SOS2: variants seen among roughly 807,000 people sequenced by gnomAD.
The protein encoded by SOS2 is son of sevenless homolog 2.
Under a neutral mutation model 148.2 loss-of-function variants are expected in SOS2, and 65 were observed. The observed-to-expected ratio is 0.44, with a 90% CI of 0.36 to 0.54. The LOEUF (loss-of-function observed/expected upper bound fraction) is 0.54, where lower values mean the gene tolerates loss of function less well. Ranked by LOEUF, SOS2 falls within the 20% of genes least tolerant of loss-of-function variation. The pLI, the probability that SOS2 is intolerant of heterozygous loss-of-function variation, is 0.00. For synonymous variants in SOS2, 539 were observed against 537.1 expected, an observed-to-expected ratio of 1.00 and a Z score of -0.05; for missense variants, 1,341 against 1,590.2, an observed-to-expected ratio of 0.84 and a Z score of 2.67.
intron 5 of SOS2, among the ~76,000 whole-genome samples, chr14:50,186,998 T>A (rs1233284215): frequency 2.6e-5 from 4 of 152,208 alleles, no homozygotes; most frequent in Admixed American, 2.6e-4. Context: ...AGGTACAAGA[T>A]AAATAAGACA....
At chr14:50,195,925 G>T (rs146196573) in intron 4 of SOS2, among the ~76,000 whole-genome samples, 76 of 152,300 alleles carry the variant, frequency 5.0e-4, no homozygotes, top group Non-Finnish European at 8.7e-4. Context: ...TACCTGGGAG[G>T]CTGAGGCAGG....
rs375702667 is a variant in SOS2 at position 50,150,240 on chromosome 14, G to T, written c.2162-10C>A. On this transcript the variant is annotated splice_polypyrimidine_tract_variant and intron_variant, in intron 13 of 22. Coordinates refer to ENST00000216373, the MANE Select transcript of SOS2 (RefSeq NM_006939.4). ...TTTTTCATAGCTTTCCCTGGAAAAAGAACACATAAAGAAAAATGTCTTTTA... is the reference window on the plus strand; with the variant it reads ...TTTTTCATAGCTTTCCCTGGAAAAATAACACATAAAGAAAAATGTCTTTTA... The T allele has an allele frequency of 1.3e-6, 2 of 1,533,126 alleles. No individual in the cohort carries two copies. The highest frequency in any genetic ancestry group is 1.4e-5 in the African/African-American group (1 of 73,438). The allele number at this position is 1,533,126 out of a possible 1,614,324, so 95.0% of individuals were successfully genotyped here.
chr14:50,160,180 A>G, intron 9 of SOS2, 94 bp from the exon 10 acceptor site: 1 of 930,284 alleles, frequency 1.1e-6, no homozygotes, highest in South Asian at 1.7e-5. Flanking sequence ...AAAATATTAA[A>G]TAACCAAACA....
intron 16 of SOS2, among the ~76,000 whole-genome samples, chr14:50,144,446 T>A (rs1030631586): frequency 6.6e-6 from 1 of 152,018 alleles, no homozygotes; most frequent in African/African-American, 2.4e-5. Context: ...TATATATTTT[T>A]TAATTTTTTG....
chr14:50,201,258 C>T (rs1022983890), intron 2 of SOS2, among the ~76,000 whole-genome samples, 174 bp from the exon 3 acceptor site: 3 of 151,852 alleles, frequency 2.0e-5, no homozygotes, highest in Non-Finnish European at 4.4e-5. Context: ...TCAGGCTGGG[C>T]GCGGTGGCTC....
At chr14:50,205,495 T>G (rs1005741268) in intron 1 of SOS2, among the ~76,000 whole-genome samples, 4 of 152,192 alleles carry the variant, frequency 2.6e-5, no homozygotes, top group Admixed American at 2.6e-4. Flanking sequence ...ACCATTTTAT[T>G]TGAAGTCTCA....
At chr14:50,227,243 CTTTCTT>C (rs1887405868) in intron 1 of SOS2, among the ~76,000 whole-genome samples, 1 of 112,650 alleles carries the variant, frequency 8.9e-6, no homozygotes, top group Non-Finnish European at 1.7e-5. Context: ...TTCTTTCTTT[CTTTCTT>C]TTTTTTTTTT....
chr14:50,206,412 C>T (rs1032037068), intron 1 of SOS2, among the ~76,000 whole-genome samples: 2 of 152,208 alleles, frequency 1.3e-5, no homozygotes, highest in Non-Finnish European at 2.9e-5. Flanking sequence ...AATGGTGTAA[C>T]ACTGTATACA....
chr14:50,182,108 G>A lies in SOS2; in HGVS notation c.858+355C>T, dbSNP rs111771258. On this transcript the variant is annotated intron_variant, in intron 6 of 22. Transcript: ENST00000216373. ...CTATAAAGAAAGTGTCACTATATAG[G>A]CAATGTGATTTTAGTTTGTTATCAG... Among the ~76,000 whole-genome samples, 8 of 151,792 alleles carry A rather than the reference G, an allele frequency of 5.3e-5. No homozygotes were observed. In the East Asian group the frequency reaches 1.2e-3, roughly 22 times the overall value.
chr14:50,158,256 G>T (rs1020722247), intron 11 of SOS2, among the ~76,000 whole-genome samples: 2 of 151,944 alleles, frequency 1.3e-5, no homozygotes, highest in Admixed American at 1.3e-4. Flanking sequence ...GTGGTAAGTA[G>T]AAAAGTCTCT....
intron 1 of SOS2, among the ~76,000 whole-genome samples, chr14:50,211,642 G>A (rs1886875505): frequency 6.7e-6 from 1 of 149,662 alleles, no homozygotes; most frequent in African/African-American, 2.5e-5. Context: ...TTAGATTTTT[G>A]AGACAGGTTC....
chr14:50,193,703 T>A (rs1886225828), intron 4 of SOS2, among the ~76,000 whole-genome samples: 1 of 152,012 alleles, frequency 6.6e-6, no homozygotes, highest in African/African-American at 2.4e-5. Context: ...CATCATACAA[T>A]CTCATTACTT....
chr14:50,229,426 C>CA (rs1356208470), intron 1 of SOS2, among the ~76,000 whole-genome samples: 1 of 148,256 alleles, frequency 6.7e-6, no homozygotes, highest in Non-Finnish European at 1.5e-5. Flanking sequence ...AAAACAAGCA[C>CA]AATATAAATG....
At chr14:50,157,167 A>G (rs1310860570) in intron 11 of SOS2, 46 bp from the exon 12 acceptor site, 1 of 1,582,902 alleles carries the variant, frequency 6.3e-7, no homozygotes. Context: ...TACATAATGA[A>G]AATACAAGGA....
chr14:50,191,038 T>C (rs1886117004), intron 4 of SOS2, among the ~76,000 whole-genome samples: 2 of 152,202 alleles, frequency 1.3e-5, no homozygotes, highest in Non-Finnish European at 2.9e-5. Context: ...CCCATTCACT[T>C]AGCAAGCCCA....
chr14:50,217,667 A>G (rs1887073226), intron 1 of SOS2, among the ~76,000 whole-genome samples: 1 of 152,220 alleles, frequency 6.6e-6, no homozygotes, highest in Non-Finnish European at 1.5e-5. Flanking sequence ...TAAAAATTTA[A>G]AACTTTTGGC....
chr14:50,177,337 A>G (rs1885557354), intron 7 of SOS2, among the ~76,000 whole-genome samples: 1 of 152,198 alleles, frequency 6.6e-6, no homozygotes, highest in South Asian at 2.1e-4. Flanking sequence ...ATAAATAAAT[A>G]AAGTACGCTA....
chr14:50,214,561 C>T lies in SOS2; in HGVS notation c.88-10152G>A, dbSNP rs1164258820. The stretch of plus-strand genomic sequence containing the variant: ...AGGCGTAGTGGGGTGTCTGTAGTCC[C>T]AGCTACTCTAGTGGCTGAGGTGGGA... On this transcript the variant is annotated intron_variant, in intron 1 of 22. Coordinates refer to ENST00000216373, the MANE Select transcript of SOS2 (RefSeq NM_006939.4). 3.3e-5 allele frequency among the ~76,000 whole-genome samples: 5 copies of T among 152,160 alleles called. No individual in the cohort carries two copies. The East Asian group carries it at 5.8e-4, about 18-fold the overall frequency.
chr14:50,220,377 G>T (rs1288421593), intron 1 of SOS2, among the ~76,000 whole-genome samples: 1 of 112,062 alleles, frequency 8.9e-6, no homozygotes, highest in African/African-American at 3.5e-5. Context: ...CTGCACTCCA[G>T]CCTGGGCGAC....
Sources: gnomAD v4.1 joint callset for allele counts (sites outside exome capture counted in the v4.1 genomes callset) on GRCh38, gnomAD v4.1.1 for gene constraint, MANE v1.5 for transcripts, NCBI Gene and HGNC (gene_info 2026-07-23, HGNC 2026-07-21) for gene names.